Variants in DGAT1 observed in about 807,000 individuals in gnomAD.
DGAT1 encodes diacylglycerol O-acyltransferase 1, also known as ACAT related gene product 1.
DGAT1 carries 60 observed loss-of-function variants against 72.6 expected under a neutral mutation model. The ratio of observed to expected loss-of-function variants is 0.83; its 90% CI spans 0.67 to 1.02. The LOEUF (loss-of-function observed/expected upper bound fraction) is 1.02. Among genes scored for constraint, DGAT1 ranks in the 50% least tolerant of loss-of-function variants. The pLI, the probability that DGAT1 is intolerant of heterozygous loss-of-function variation, is 0.00. For synonymous variants in DGAT1, 290 were observed against 267.5 expected, an observed-to-expected ratio of 1.08 and a Z score of -0.82; for missense variants, 592 against 670.0, an observed-to-expected ratio of 0.88 and a Z score of 1.29.
Position 144,318,132 on chromosome 8 carries a change from C to A in DGAT1, c.714G>T (p.Pro238=). 2 of 1,554,720 alleles carry A rather than the reference C, an allele frequency of 1.3e-6. No individual in the cohort carries two copies. The highest frequency in any genetic ancestry group is 2.0e-5 in the Admixed American group (1 of 51,156). ...AGKKASSAAA[P]HTVSYPDNLT... is the part of the protein sequence containing the mutation. ...GATTGTCCGGGTAGCTCACGGTGTG[C>A]GGGGCAGCAGCACTGCTGGCCTTCT... The change falls in exon 8 of 17, where the codon CCG becomes CCT. Residue 238 remains proline (P), a synonymous_variant. Coordinates refer to ENST00000528718, the MANE Select transcript of DGAT1 (RefSeq NM_012079.6).
chr8:144,316,939 G>T (rs369528418), intron 15 of DGAT1, 24 bp from the exon 16 acceptor site: 196 of 1,612,368 alleles, frequency 1.2e-4, no homozygotes, highest in Non-Finnish European at 1.6e-4. Context: ...GAGAGAGGAT[G>T]CCAGGGAGTG....
chr8:144,317,986 C>T lies in DGAT1; in HGVS notation c.783G>A (p.Leu261=). 1.3e-6 allele frequency: 2 copies of T among 1,519,194 alleles called. No individual in the cohort carries two copies. Among genetic ancestry groups the T allele is most frequent in the Non-Finnish European group, 1.8e-6 (2 of 1,135,914 alleles). 94.1% of individuals were successfully genotyped at this position (1,519,194 alleles called of 1,614,324 possible). A position where few individuals can be genotyped will look rare whatever the true frequency, so the allele number is the denominator to read the frequency against. Residue 261 remains leucine, a synonymous_variant, in exon 9 of 17, where the codon TTG becomes TTA. Transcript: ENST00000528718. The part of the protein sequence containing the change: ...DLYYFLFAPT[L]CYELNFPRSP... ...AGCGGGGAAAGTTGAGCTCGTAGCA[C>T]AAGGTGGGGGCGAAGAGGAAGTAGT...
At position 144,315,409 on chromosome 8, in the gene DGAT1, G is replaced by GC. The variant is rs1488692377; in HGVS notation, c.*1144_*1145insG. The stretch of plus-strand genomic sequence containing the variant: ...ACCACCAGTTCAGCAGGTTGCTGAT[G>GC]AGGCCCCTGGTGCAGTCCTGGGACC... On this transcript the variant is annotated 3_prime_UTR_variant, in exon 17 of 17. Transcript: ENST00000528718. 26 of 985,514 alleles carry GC rather than the reference G, an allele frequency of 2.6e-5. No individual in the cohort carries two copies. Among genetic ancestry groups the GC allele is most frequent in the Non-Finnish European group, 2.9e-5 (24 of 829,962 alleles). The allele number at this position is 985,514 out of a possible 1,614,324, so 61.0% of individuals were successfully genotyped here.
rs370168279 is a variant in DGAT1 at position 144,325,990 on chromosome 8, C to G, written c.200+447G>C. Among the ~76,000 whole-genome samples, 81 of 152,242 alleles carry G rather than the reference C, an allele frequency of 5.3e-4. 2 individuals are homozygous for G. Among genetic ancestry groups the G allele is most frequent in the African/African-American group, 1.7e-3 (70 of 41,552 alleles). ...CAGGCCTGGGCTCCTCTGGCCCCCT[C>G]CCTGGCAGGCCAGCCCTCCTCTGGG... is the stretch of plus-strand genomic sequence containing the variant. On this transcript the variant is annotated intron_variant, in intron 1 of 16. Coordinates refer to ENST00000528718, the MANE Select transcript of DGAT1 (RefSeq NM_012079.6).
At chr8:144,324,683 G>A (rs1564634148) in intron 1 of DGAT1, among the ~76,000 whole-genome samples, 1 of 152,176 alleles carries the variant, frequency 6.6e-6, no homozygotes, top group East Asian at 1.9e-4. Context: ...TTGCTGGTTT[G>A]CAAAGCAAGA....
Position 144,316,114 on chromosome 8 carries a change from G to A in DGAT1, c.*440C>T, listed in dbSNP as rs1817207603. ...GCTTTTCTAGGTAGGGGAGTGTGGG[G>A]AATGGGGGCGTCTGCCTGGCCTTGC... On this transcript the variant is annotated 3_prime_UTR_variant, in exon 17 of 17. Transcript: ENST00000528718. 9.2e-6 allele frequency: 2 copies of A among 216,836 alleles called. No homozygotes were observed. The highest frequency in any genetic ancestry group is 1.7e-5 in the Non-Finnish European group (2 of 118,020). The allele number at this position is 216,836 out of a possible 1,614,324, so 13.4% of individuals were successfully genotyped here.
At position 144,317,206 on chromosome 8, in the gene DGAT1, C is replaced by G. The variant is rs1817267267; in HGVS notation, c.1141G>C (p.Val381Leu). The stretch of plus-strand genomic sequence containing the variant: ...ACCTACCTGATGCACCACTTGTGCA[C>G]AGGGATGTTCCAGTTCTGCCAGAAG... ...TYFWQNWNIP[V>L]HKWCIRHFYK... The change falls in exon 14 of 17, where the codon GTG (valine) becomes CTG (leucine). Residue 381 changes from valine to leucine, a missense_variant. Physicochemically the swap from Val to Leu is conservative, Grantham distance 32. Coordinates refer to ENST00000528718, the MANE Select transcript of DGAT1 (RefSeq NM_012079.6). The G allele has an allele frequency of 6.2e-7, 1 of 1,609,992 alleles. No individual in the cohort carries two copies. Among genetic ancestry groups the G allele is most frequent in the South Asian group, 1.1e-5 (1 of 90,930 alleles).
chr8:144,315,008 G>C lies in DGAT1; in HGVS notation c.*1546C>G. On this transcript the variant is annotated 3_prime_UTR_variant, in exon 17 of 17. Transcript: ENST00000528718. ...GTTCGCACTCGGACAGGTGATGCGG[G>C]GCGGGCACACTGTCTTTCTGCCAGA... The C allele has an allele frequency of 3.0e-6, 3 of 985,722 alleles. No homozygotes were observed. The highest frequency in any genetic ancestry group is 3.6e-6 in the Non-Finnish European group (3 of 830,192). The allele number at this position is 985,722 out of a possible 1,614,324, so 61.1% of individuals were successfully genotyped here.
chr8:144,322,160 G>A (rs1181263503), intron 1 of DGAT1, among the ~76,000 whole-genome samples: 1 of 152,200 alleles, frequency 6.6e-6, no homozygotes, highest in Non-Finnish European at 1.5e-5. Flanking sequence ...ACCCTGCCTG[G>A]TCCTCAGCAT....
rs1554847189 is a variant in DGAT1, at chr8:144,317,058, C to T, written c.1212G>A (p.Arg404=). 6 of 1,612,782 alleles carry T rather than the reference C, an allele frequency of 3.7e-6. No homozygotes were observed. In the South Asian group the frequency reaches 5.5e-5, roughly 15 times the overall value. The change falls in exon 15 of 17, where the codon AGG becomes AGA. Residue 404 remains arginine, a synonymous_variant. Transcript: ENST00000528718. ...LRRGSSKWMA[R]TGVFLASAFF... is the part of the protein sequence containing the mutation. ...AGGCCGAGGCCAGGAACACCCCTGT[C>T]CTGGCCATCCACTTGCTGCTGCCCC...
intron 16 of DGAT1, 32 bp downstream of exon 16, chr8:144,316,821 G>A: frequency 6.2e-7 from 1 of 1,602,696 alleles, no homozygotes; most frequent in East Asian, 2.2e-5. Flanking sequence ...GGGTAACTGG[G>A]CGAGTGAGGA....
chr8:144,318,213 G>C, intron 7 of DGAT1, 44 bp from the exon 8 acceptor site: 1 of 1,609,330 alleles, frequency 6.2e-7, no homozygotes, highest in Middle Eastern at 1.7e-4. Flanking sequence ...GGGCCCTGCT[G>C]CTGCCCAGCC....
Position 144,318,761 on chromosome 8 carries a change from G to C in DGAT1, c.416-10C>G, listed in dbSNP as rs1256044817. 1.9e-5 allele frequency: 31 copies of C among 1,606,844 alleles called. No individual in the cohort carries two copies. Among genetic ancestry groups the C allele is most frequent in the Non-Finnish European group, 2.6e-5 (31 of 1,177,074 alleles). ...GCAAAGACATTGGCCGCTGTGGACA[G>C]AAGCACCAAGGGGCAGGTTTAGGGC... is the stretch of plus-strand genomic sequence containing the variant. On this transcript the variant is annotated splice_polypyrimidine_tract_variant and intron_variant, in intron 4 of 16. Coordinates refer to ENST00000528718, the MANE Select transcript of DGAT1 (RefSeq NM_012079.6).
chr8:144,315,865 A>AC lies in DGAT1; in HGVS notation c.*688dup, dbSNP rs1554846860. 1.0e-6 allele frequency: 1 copy of AC among 985,450 alleles called. No individual in the cohort carries two copies. Among genetic ancestry groups the AC allele is most frequent in the African/African-American group, 1.7e-5 (1 of 57,238 alleles). The allele number at this position is 985,450 out of a possible 1,614,324, so 61.0% of individuals were successfully genotyped here. A position where few individuals can be genotyped will look rare whatever the true frequency, so the allele number is the denominator to read the frequency against. ...ATAGCCATGGACATAGCCATTGTGT[A>AC]CCGTAGCCCCTCGGCTCACCAGACC... On this transcript the variant is annotated 3_prime_UTR_variant, in exon 17 of 17. Transcript: ENST00000528718.
chr8:144,324,095 AGAGCCTG>A (rs1817532790), intron 1 of DGAT1, among the ~76,000 whole-genome samples: 1 of 152,224 alleles, frequency 6.6e-6, no homozygotes, highest in Non-Finnish European at 1.5e-5. Context: ...GTGTGTGCAA[AGAGCCTG>A]GCAGGAGTGA....
rs782266101 is a variant in DGAT1 at position 144,316,605 on chromosome 8, G to A, written c.1416C>T (p.Tyr472=). 4.4e-6 allele frequency: 7 copies of A among 1,606,646 alleles called. No homozygotes were observed. The highest frequency in any genetic ancestry group is 2.2e-5 in the East Asian group (1 of 44,668). ...AGTTGAGCACGTAGTAGTCGTGGAC[G>A]TACATGAGGACGGCTATTGGCTGTC... The part of the protein sequence containing the change: ...IIGQPIAVLM[Y]VHDYYVLNYE... The change falls in exon 17 of 17, where the codon TAC becomes TAT. Residue 472 remains tyrosine, a synonymous_variant. Coordinates refer to ENST00000528718, the MANE Select transcript of DGAT1 (RefSeq NM_012079.6).
Position 144,318,830 on chromosome 8 carries a change from C to T in DGAT1, c.415+5G>A, listed in dbSNP as rs1203662093. On this transcript the variant is annotated splice_donor_5th_base_variant and intron_variant, in intron 4 of 16. Transcript: ENST00000528718. ...ACCCGAGGCCCTCCTCAGAGCCCAG[C>T]TCACCAATAACCAGGCATGGGGCGG... The T allele has an allele frequency of 3.1e-6, 5 of 1,611,448 alleles. No individual in the cohort carries two copies. In the African/African-American group the frequency reaches 5.3e-5, roughly 17 times the overall value.
In DGAT1 at chr8:144,314,654, A is replaced by G. The variant is rs1817107939; in HGVS notation, c.*1900T>C. 1 of 390,152 alleles carries G rather than the reference A, an allele frequency of 2.6e-6. No individual in the cohort carries two copies. Among genetic ancestry groups the G allele is most frequent in the Admixed American group, 3.8e-5 (1 of 26,584 alleles). The allele number at this position is 390,152 out of a possible 1,614,324, so 24.2% of individuals were successfully genotyped here. A position where few individuals can be genotyped will look rare whatever the true frequency, so the allele number is the denominator to read the frequency against. Reference sequence around the variant, plus strand: ...CGTTCCCCGCTCCACAGAGATACACAGATATATACACACAGTGGATGGACG... The same window carrying G: ...CGTTCCCCGCTCCACAGAGATACACGGATATATACACACAGTGGATGGACG... On this transcript the variant is annotated 3_prime_UTR_variant, in exon 17 of 17. Coordinates refer to ENST00000528718, the MANE Select transcript of DGAT1 (RefSeq NM_012079.6).
chr8:144,325,048 G>C (rs1817563870), intron 1 of DGAT1, among the ~76,000 whole-genome samples: 1 of 151,360 alleles, frequency 6.6e-6, no homozygotes, highest in Admixed American at 6.6e-5. Flanking sequence ...TGGGCAACAA[G>C]AGCAAAACTA....
Sources: gnomAD v4.1 joint callset for allele counts (sites outside exome capture counted in the v4.1 genomes callset) on GRCh38, gnomAD v4.1.1 for gene constraint, MANE v1.5 for transcripts, NCBI Gene and HGNC (gene_info 2026-07-23, HGNC 2026-07-21) for gene names.